Variants in MARCHF7 observed in about 807,000 individuals in gnomAD.
MARCHF7 encodes the protein membrane associated ring-CH-type finger 7.
Under a neutral mutation model 76.5 loss-of-function variants are expected in MARCHF7, and 20 were observed. That is an observed-to-expected ratio of 0.26 (90% CI 0.18 to 0.38). The LOEUF (loss-of-function observed/expected upper bound fraction) is 0.38, where lower values mean the gene tolerates loss of function less well. Ranked by LOEUF, MARCHF7 falls within the 10% of genes least tolerant of loss-of-function variation. MARCHF7 has a pLI of 1.00. For synonymous variants in MARCHF7, 295 were observed against 293.0 expected, an observed-to-expected ratio of 1.01 and a Z score of -0.07; for missense variants, 797 against 812.9, an observed-to-expected ratio of 0.98 and a Z score of 0.24.
chr2:159,713,105 G>A (rs2125206272), intron 1 of MARCHF7, among the ~76,000 whole-genome samples: 1 of 152,320 alleles, frequency 6.6e-6, no homozygotes. Flanking sequence ...AAGTGACTTC[G>A]GTAGCCCCTT....
At chr2:159,718,644 T>G (rs886158611) in intron 3 of MARCHF7, among the ~76,000 whole-genome samples, 1 of 152,126 alleles carries the variant, frequency 6.6e-6, no homozygotes, top group Non-Finnish European at 1.5e-5. Flanking sequence ...TTTGATAAAC[T>G]AAAAATCCAA....
Position 159,769,464 on chromosome 2 carries a change from G to A in MARCHF7, c.*2122G>A, listed in dbSNP as rs1390150841. On this transcript the variant is annotated 3_prime_UTR_variant, in exon 12 of 12. Transcript: ENST00000409175. ...TTGAGACCAGCCCAGTCAATATGGC[G>A]AAACCCCGTCTCTACCAAAAATACA... is the stretch of plus-strand genomic sequence containing the variant. 1.3e-5 allele frequency: 2 copies of A among 152,192 alleles called. No individual in the cohort carries two copies. Among genetic ancestry groups the A allele is most frequent in the South Asian group, 2.1e-4 (1 of 4,832 alleles). 9.4% of individuals were successfully genotyped at this position (152,192 alleles called of 1,614,324 possible). A position where few individuals can be genotyped will look rare whatever the true frequency, so the allele number is the denominator to read the frequency against.
chr2:159,770,205 G>A lies in MARCHF7; in HGVS notation c.*2863G>A, dbSNP rs138116662. On this transcript the variant is annotated 3_prime_UTR_variant, in exon 12 of 12. Transcript: ENST00000409175. ...AACCAGGCAGGAATTCCAGGGTAGT[G>A]TTCAATATTGACATTAGTAATAGTC... 3.3e-5 allele frequency: 5 copies of A among 152,204 alleles called. No homozygotes were observed. The East Asian group carries it at 9.6e-4, about 29-fold the overall frequency. 9.4% of individuals were successfully genotyped at this position (152,204 alleles called of 1,614,324 possible).
At chr2:159,726,218 GGTTTT>G (rs71969424) in intron 3 of MARCHF7, among the ~76,000 whole-genome samples, 15,204 of 127,342 alleles carry the variant, frequency 0.12, 954 homozygotes, top group East Asian at 0.28. Context: ...TCCAGATACA[GGTTTT>G]GTTTTGTTTT....
chr2:159,758,707 T>G (rs1706633104), intron 8 of MARCHF7, among the ~76,000 whole-genome samples: 1 of 152,256 alleles, frequency 6.6e-6, no homozygotes, highest in Non-Finnish European at 1.5e-5. Context: ...TGTTTTTATT[T>G]GGACAAGGGT....
intron 7 of MARCHF7, among the ~76,000 whole-genome samples, chr2:159,750,391 G>A (rs1351967919): frequency 2.0e-5 from 3 of 152,182 alleles, no homozygotes; most frequent in Admixed American, 1.3e-4. Context: ...TGGGTGTGGT[G>A]GCATGCACCT....
intron 5 of MARCHF7, 147 bp from the exon 6 acceptor site, chr2:159,745,622 CT>C (rs1704762322): frequency 1.9e-6 from 1 of 523,290 alleles, no homozygotes; most frequent in Admixed American, 4.0e-5. Context: ...TGCCACTACA[CT>C]CCAGCCTGGG....
In MARCHF7 at chr2:159,766,662, G is replaced by C. The variant is rs184849463; in HGVS notation, c.2057-622G>C. On this transcript the variant is annotated intron_variant, in intron 11 of 11. Coordinates refer to ENST00000409175, the MANE Select transcript of MARCHF7 (RefSeq NM_001282805.2). ...TTGAGGTCAGAAATGTTGCAAAAGT[G>C]GTAAGTTTCTGGCAGTGTGGAGACA... Among the ~76,000 whole-genome samples the C allele has an allele frequency of 4.4e-3, 669 of 152,246 alleles. 2 individuals carry two copies. The highest frequency in any genetic ancestry group is 6.8e-3 in the Middle Eastern group (2 of 294).
intron 5 of MARCHF7, among the ~76,000 whole-genome samples, chr2:159,745,023 T>G (rs1231054984): frequency 1.3e-5 from 2 of 152,246 alleles, no homozygotes; most frequent in Non-Finnish European, 2.9e-5. Context: ...ATAATTCTGA[T>G]GAAATTGTGT....
Position 159,770,606 on chromosome 2 carries a change from A to G in MARCHF7, c.*3264A>G, listed in dbSNP as rs1708114138. On this transcript the variant is annotated 3_prime_UTR_variant, in exon 12 of 12. Transcript: ENST00000409175. ...TTTGAGCCTCAGACTTCTAGACAGT[A>G]TACTTCAGTCAGTAATGGACCACAT... 6.6e-6 allele frequency: 1 copy of G among 152,196 alleles called. No homozygotes were observed. Among genetic ancestry groups the G allele is most frequent in the Non-Finnish European group, 1.5e-5 (1 of 68,014 alleles). The allele number at this position is 152,196 out of a possible 1,614,324, so 9.4% of individuals were successfully genotyped here. A position where few individuals can be genotyped will look rare whatever the true frequency, so the allele number is the denominator to read the frequency against.
intron 4 of MARCHF7, chr2:159,732,767 A>G: frequency 2.4e-6 from 2 of 837,632 alleles, no homozygotes; most frequent in Non-Finnish European, 2.9e-6. Flanking sequence ...CCTGGCCTCC[A>G]GCAGTACTCC....
intron 9 of MARCHF7, 108 bp downstream of exon 9, chr2:159,759,443 A>G (rs916777299): frequency 2.4e-5 from 12 of 502,922 alleles, no homozygotes; most frequent in Non-Finnish European, 3.6e-5. Flanking sequence ...AATAATAATA[A>G]TAACAGTGAT....
chr2:159,766,813 T>G (rs934502640), intron 11 of MARCHF7, among the ~76,000 whole-genome samples: 3 of 152,220 alleles, frequency 2.0e-5, no homozygotes, highest in Admixed American at 1.3e-4. Context: ...ATAGCTTTGA[T>G]GTAAATTGCA....
intron 3 of MARCHF7, among the ~76,000 whole-genome samples, chr2:159,716,801 C>CAA (rs1701089899): frequency 6.6e-6 from 1 of 152,172 alleles, no homozygotes; most frequent in Non-Finnish European, 1.5e-5. Context: ...CAGTTAAAAT[C>CAA]AGAGTTTTCA....
chr2:159,749,234 TC>T (rs554172002), intron 7 of MARCHF7, among the ~76,000 whole-genome samples: 252 of 152,232 alleles, frequency 1.7e-3, no homozygotes, highest in African/African-American at 5.9e-3. Context: ...CACCTCGGCC[TC>T]CCAAAGTGCT....
At chr2:159,736,410 T>A (rs1423087376) in intron 4 of MARCHF7, among the ~76,000 whole-genome samples, 2 of 152,250 alleles carry the variant, frequency 1.3e-5, no homozygotes, top group Non-Finnish European at 2.9e-5. Context: ...CCGTTTACTG[T>A]ACATTTTTCA....
intron 4 of MARCHF7, among the ~76,000 whole-genome samples, chr2:159,730,941 A>T (rs1014619644): frequency 3.9e-5 from 6 of 152,004 alleles, no homozygotes; most frequent in Non-Finnish European, 5.9e-5. Flanking sequence ...CCCAGGCTGG[A>T]GTGAGTGGTG....
At chr2:159,733,926 G>C (rs920739753) in intron 4 of MARCHF7, 9 of 1,231,080 alleles carry the variant, frequency 7.3e-6, no homozygotes, top group South Asian at 3.8e-5. Flanking sequence ...TCTAAGTTCC[G>C]AACAGTTGAT....
intron 7 of MARCHF7, among the ~76,000 whole-genome samples, chr2:159,751,247 T>G (rs1010290228): frequency 6.6e-6 from 1 of 152,196 alleles, no homozygotes; most frequent in Admixed American, 6.5e-5. Context: ...GAGAAATGAT[T>G]GAGCCAGTAC....
Sources: allele counts gnomAD v4.1 joint callset (sites outside exome capture counted in the v4.1 genomes callset), GRCh38; gene constraint gnomAD v4.1.1; transcripts MANE v1.5; gene names NCBI Gene and HGNC (gene_info 2026-07-23, HGNC 2026-07-21).